Variants in DSTYK observed in about 807,000 individuals in gnomAD.
The protein encoded by DSTYK is dual serine/threonine and tyrosine protein kinase.
A neutral mutation model predicts 98.7 loss-of-function variants in DSTYK; 34 were observed. That is an observed-to-expected ratio of 0.34 (90% CI 0.26 to 0.46). DSTYK has a LOEUF of 0.46. Ranked by LOEUF, DSTYK falls within the 20% of genes least tolerant of loss-of-function variation. The pLI is 1.00. For synonymous variants in DSTYK, 462 were observed against 457.3 expected, an observed-to-expected ratio of 1.01 and a Z score of -0.13; for missense variants, 962 against 1,181.7, an observed-to-expected ratio of 0.81 and a Z score of 2.73.
Position 205,169,148 on chromosome 1 carries a change from C to G in DSTYK, c.1324+15G>C. On this transcript the variant is annotated intron_variant, in intron 3 of 12. Transcript: ENST00000367162. This position sits in a 1 kb window ranked among gnomAD's most constrained non-coding sequence, Gnocchi z 4.0. ...CCTCCCGTGCCAGCACCCCAACAAG[C>G]TCTCTGGGACCTACCTTTAAACTCC... The G allele has an allele frequency of 6.4e-7, 1 of 1,555,346 alleles. No individual in the cohort carries two copies. Among genetic ancestry groups the G allele is most frequent in the Non-Finnish European group, 8.7e-7 (1 of 1,152,196 alleles).
At chr1:205,208,444 C>T (rs376970680) in intron 1 of DSTYK, among the ~76,000 whole-genome samples, 38 of 152,208 alleles carry the variant, frequency 2.5e-4, no homozygotes, top group African/African-American at 8.9e-4. Flanking sequence ...TTCAGTTGCT[C>T]AAATACCATA....
intron 3 of DSTYK, 111 bp from the exon 4 acceptor site, chr1:205,164,066 G>T: frequency 1.2e-6 from 1 of 864,210 alleles, no homozygotes; most frequent in South Asian, 1.6e-5. Context: ...GATGATGGCT[G>T]CAAAAAGACA....
At chr1:205,198,719 T>TA (rs1376471106) in intron 1 of DSTYK, among the ~76,000 whole-genome samples, 2 of 151,232 alleles carry the variant, frequency 1.3e-5, no homozygotes, top group Non-Finnish European at 2.9e-5. Flanking sequence ...TGACTTGATT[T>TA]AAAAAAAACA....
intron 3 of DSTYK, among the ~76,000 whole-genome samples, chr1:205,167,877 C>G (rs752984802): frequency 2.6e-5 from 4 of 152,090 alleles, no homozygotes; most frequent in Non-Finnish European, 4.4e-5. Flanking sequence ...TTCGGGAGGC[C>G]GAGGCGGGTA....
chr1:205,150,620 A>G lies in DSTYK; in HGVS notation c.2467+60T>C. On this transcript the variant is annotated intron_variant, in intron 11 of 12. Transcript: ENST00000367162. This position sits in a 1 kb window ranked among gnomAD's most constrained non-coding sequence, Gnocchi z 4.1. ...GATTGTGGAAACGAGCTCAAGGGGT[A>G]GCACTCAGGATTAAAGTAGTACGCC... is the stretch of plus-strand genomic sequence containing the variant. The G allele has an allele frequency of 7.5e-7, 1 of 1,327,518 alleles. No individual in the cohort carries two copies. Among genetic ancestry groups the G allele is most frequent in the Non-Finnish European group, 1.1e-6 (1 of 929,318 alleles). The allele number at this position is 1,327,518 out of a possible 1,614,324, so 82.2% of individuals were successfully genotyped here.
intron 2 of DSTYK, among the ~76,000 whole-genome samples, chr1:205,180,766 G>A (rs532874545): frequency 1.3e-4 from 20 of 152,210 alleles, no homozygotes; most frequent in African/African-American, 4.8e-4. Flanking sequence ...TGCCCAGCCA[G>A]GCTGTTCTTT....
chr1:205,172,250 C>T (rs1658086446), intron 2 of DSTYK, among the ~76,000 whole-genome samples: 2 of 152,060 alleles, frequency 1.3e-5, no homozygotes, highest in Non-Finnish European at 2.9e-5. Context: ...AGCCACCACA[C>T]CCAGCATGAG....
Position 205,162,185 on chromosome 1 carries a change from G to T in DSTYK, c.1669C>A (p.Pro557Thr). ...TTCCATTCCAGAGTGATGGCAGGTG[G>T]GCTCACCCATGTGATGCGCTGGATG... ...QIIQRITWVS[P>T]PAITLEWKRK... The change falls in exon 6 of 13, where the codon CCA (proline) becomes ACA (threonine). Residue 557 changes from proline (P) to threonine (T), a missense_variant. This residue lies in a region of DSTYK where 660 missense variants were observed against 855.0 expected (regional missense o/e 0.77). Transcript: ENST00000367162. 1 of 1,614,120 alleles carries T rather than the reference G, an allele frequency of 6.2e-7. No homozygotes were observed. Among genetic ancestry groups the T allele is most frequent in the Non-Finnish European group, 8.5e-7 (1 of 1,179,986 alleles).
intron 2 of DSTYK, among the ~76,000 whole-genome samples, chr1:205,177,291 T>C (rs1201786438): frequency 6.6e-6 from 1 of 152,198 alleles, no homozygotes; most frequent in Non-Finnish European, 1.5e-5. Flanking sequence ...ATGTCTTTGC[T>C]TTCTCTAGAG....
intron 1 of DSTYK, chr1:205,202,632 G>T: frequency 1.7e-6 from 2 of 1,187,692 alleles, no homozygotes; most frequent in South Asian, 1.2e-5. Context: ...ACATTGAGAT[G>T]ATCCTTACTG....
chr1:205,192,090 G>C (rs1037063476), intron 1 of DSTYK, among the ~76,000 whole-genome samples: 2 of 152,164 alleles, frequency 1.3e-5, no homozygotes, highest in African/African-American at 4.8e-5. Flanking sequence ...AGATGGAAGA[G>C]AAGAACAACT....
At position 205,161,357 on chromosome 1, in the gene DSTYK, T is replaced by C. The variant is rs1175361060; in HGVS notation, c.1849A>G (p.Lys617Glu). Reference protein sequence around the residue: ...LEAGHSGRLEKTEDLWLRVRK... With the variant: ...LEAGHSGRLEETEDLWLRVRK... ...ACCCTCAGCCATAGATCTTCCGTTTTCTCTAACCGGCCTGAGTGGCCAGCT... is the reference window on the plus strand; with the variant it reads ...ACCCTCAGCCATAGATCTTCCGTTTCCTCTAACCGGCCTGAGTGGCCAGCT... The change falls in exon 7 of 13, where the codon AAA becomes GAA. Residue 617 changes from lysine (K) to glutamate (E), a missense_variant. Physicochemically the swap from Lys to Glu is moderately conservative, Grantham distance 56. This residue lies in a region of DSTYK where 660 missense variants were observed against 855.0 expected (regional missense o/e 0.77). Coordinates refer to ENST00000367162, the MANE Select transcript of DSTYK (RefSeq NM_015375.3). 1.9e-6 allele frequency: 3 copies of C among 1,614,058 alleles called. No homozygotes were observed.
chr1:205,197,159 T>C (rs1658891957), intron 1 of DSTYK, among the ~76,000 whole-genome samples: 1 of 151,536 alleles, frequency 6.6e-6, no homozygotes, highest in African/African-American at 2.4e-5. Flanking sequence ...AAAGGAGACA[T>C]TGTTGGGACA....
intron 1 of DSTYK, among the ~76,000 whole-genome samples, chr1:205,200,079 T>C (rs1300001264): frequency 6.6e-6 from 1 of 152,108 alleles, no homozygotes; most frequent in Non-Finnish European, 1.5e-5. Context: ...CTCTGTCACC[T>C]TGGCTGGAGT....
chr1:205,159,994 T>C (rs1657669323), intron 8 of DSTYK, 120 bp downstream of exon 8: 1 of 1,213,630 alleles, frequency 8.2e-7, no homozygotes, highest in Admixed American at 1.8e-5. Flanking sequence ...CACATGTCTG[T>C]TAGACACAGA....
intron 1 of DSTYK, among the ~76,000 whole-genome samples, chr1:205,203,351 G>A (rs1411017630): frequency 3.3e-5 from 5 of 149,422 alleles, no homozygotes; most frequent in African/African-American, 7.4e-5. Flanking sequence ...TGTGGTTCGC[G>A]CGTGCCTGCA....
At chr1:205,184,538 C>T (rs1658511382) in intron 2 of DSTYK, among the ~76,000 whole-genome samples, 1 of 152,120 alleles carries the variant, frequency 6.6e-6, no homozygotes, top group Admixed American at 6.5e-5. Context: ...CTCCACTGCA[C>T]TCCAGCCTAG....
chr1:205,157,566 T>C (rs1276765023), intron 9 of DSTYK, among the ~76,000 whole-genome samples, 180 bp from the exon 10 acceptor site: 1 of 152,134 alleles, frequency 6.6e-6, no homozygotes, highest in Non-Finnish European at 1.5e-5. Context: ...AAGACCAGCC[T>C]GGCAAACATG....
rs997062705 is a variant in DSTYK at position 205,176,472 on chromosome 1, C to T, written c.655-6640G>A. ...GCCTGGGCAACAAGAGTGAAACTCC[C>T]TCTTAAAAAAAAAAAAAAAAAAAAA... On this transcript the variant is annotated intron_variant, in intron 2 of 12. Coordinates refer to ENST00000367162, the MANE Select transcript of DSTYK (RefSeq NM_015375.3). Among the ~76,000 whole-genome samples, 5 of 93,126 alleles carry T rather than the reference C, an allele frequency of 5.4e-5. No individual in the cohort carries two copies. In the East Asian group the frequency reaches 1.7e-3, roughly 32 times the overall value. The allele number at this position is 93,126 out of a possible 152,430, so 61.1% of individuals were successfully genotyped here. A position where few individuals can be genotyped will look rare whatever the true frequency, so the allele number is the denominator to read the frequency against.
Sources: gnomAD v4.1 joint callset for allele counts (sites outside exome capture counted in the v4.1 genomes callset) on GRCh38, gnomAD v4.1.1 for gene constraint, gnomAD v4.1.1 regional missense constraint, Gnocchi (gnomAD v3.1) non-coding constraint, MANE v1.5 for transcripts, NCBI Gene and HGNC (gene_info 2026-07-23, HGNC 2026-07-21) for gene names.